The following ZNF804A variants were observed in gnomAD, a reference collection of about 807,000 sequenced individuals.
ZNF804A encodes the protein zinc finger protein 804A.
Under a neutral mutation model 16.5 loss-of-function variants are expected in ZNF804A, and 2 were observed. The observed-to-expected ratio is 0.12, with a 90% CI of 0.05 to 0.38. ZNF804A has a LOEUF of 0.38. Ranked by LOEUF, ZNF804A falls within the 10% of genes least tolerant of loss-of-function variation. ZNF804A has a pLI of 0.99. For missense variants in ZNF804A, 1,473 were observed against 1,390.7 expected (o/e 1.06, Z -0.94); for synonymous variants, 534 against 489.6 (o/e 1.09, Z -1.20).
chr2:184,788,725 G>A (rs1694487659), intron 1 of ZNF804A, among the ~76,000 whole-genome samples: 1 of 152,020 alleles, frequency 6.6e-6, no homozygotes, highest in Non-Finnish European at 1.5e-5. Flanking sequence ...AGGTGTAGGA[G>A]TCTTTAGAGT....
chr2:184,928,316 G>C (rs1010982460), intron 2 of ZNF804A, among the ~76,000 whole-genome samples: 10 of 152,018 alleles, frequency 6.6e-5, no homozygotes, highest in Non-Finnish European at 1.5e-4. Context: ...AATTCTGACT[G>C]GTACTCTTTC....
intron 2 of ZNF804A, among the ~76,000 whole-genome samples, chr2:184,930,900 A>G (rs1037976927): frequency 1.3e-5 from 2 of 152,224 alleles, no homozygotes; most frequent in Admixed American, 6.5e-5. Context: ...ATAAAGACAT[A>G]CCAGAAACTG....
intron 1 of ZNF804A, among the ~76,000 whole-genome samples, chr2:184,673,427 G>A (rs72899952): frequency 0.052 from 7,874 of 152,110 alleles, 253 homozygotes; most frequent in Non-Finnish European, 0.077. Flanking sequence ...TTATCCAATT[G>A]CCAAGAAAGC....
intron 1 of ZNF804A, among the ~76,000 whole-genome samples, chr2:184,673,520 T>C (rs1692371439): frequency 6.6e-6 from 1 of 152,094 alleles, no homozygotes; most frequent in Non-Finnish European, 1.5e-5. Flanking sequence ...CCAAGGCCTG[T>C]GAGATTTGAC....
At chr2:184,846,575 T>C (rs1398129566) in intron 1 of ZNF804A, among the ~76,000 whole-genome samples, 1 of 152,092 alleles carries the variant, frequency 6.6e-6, no homozygotes, top group East Asian at 1.9e-4. Flanking sequence ...AAACCTGATG[T>C]ACATGTTCTT....
intron 1 of ZNF804A, among the ~76,000 whole-genome samples, chr2:184,748,753 A>G (rs1305667467): frequency 6.6e-6 from 1 of 151,464 alleles, no homozygotes; most frequent in Non-Finnish European, 1.5e-5. Flanking sequence ...AATTTGAGTT[A>G]ATTTTTTTAT....
intron 1 of ZNF804A, among the ~76,000 whole-genome samples, chr2:184,643,846 T>C (rs916237682): frequency 6.6e-6 from 1 of 151,588 alleles, no homozygotes; most frequent in Non-Finnish European, 1.5e-5. Context: ...AAAAAGGCAT[T>C]GGAAAACCGA....
chr2:184,704,005 G>T (rs911665783), intron 1 of ZNF804A, among the ~76,000 whole-genome samples: 7 of 152,000 alleles, frequency 4.6e-5, no homozygotes, highest in Admixed American at 2.6e-4. Flanking sequence ...GATGCGAAAA[G>T]TTCTCTAAGG....
intron 1 of ZNF804A, among the ~76,000 whole-genome samples, chr2:184,694,472 C>G (rs1173730276): frequency 6.6e-6 from 1 of 151,994 alleles, no homozygotes; most frequent in African/African-American, 2.4e-5. Flanking sequence ...ATATAACATA[C>G]AGATAGATAC....
In ZNF804A at chr2:184,938,359, C is replaced by A. The variant is rs1188177359; in HGVS notation, c.2963C>A (p.Pro988Gln). The change falls in exon 4 of 4, where the codon CCA becomes CAA. Residue 988 changes from proline (P) to glutamine (Q), a missense_variant. Pro to Gln is a moderately conservative substitution (Grantham distance 76, BLOSUM62 -1). Coordinates refer to ENST00000302277, the MANE Select transcript of ZNF804A (RefSeq NM_194250.2). Reference sequence around the variant, plus strand: ...CCACAAGGAAAGATGAATGAGACACCAACTGAGTGGCTGCGTTATAATTCA... The same window carrying A: ...CCACAAGGAAAGATGAATGAGACACAAACTGAGTGGCTGCGTTATAATTCA... Reference protein sequence around the residue: ...ALPQGKMNETPTEWLRYNSGI... With the variant: ...ALPQGKMNETQTEWLRYNSGI... 3.1e-6 allele frequency: 5 copies of A among 1,613,888 alleles called. No homozygotes were observed. The highest frequency in any genetic ancestry group is 4.2e-6 in the Non-Finnish European group (5 of 1,180,004).
chr2:184,669,765 C>CA (rs1692313810), intron 1 of ZNF804A, among the ~76,000 whole-genome samples: 1 of 48,940 alleles, frequency 2.0e-5, no homozygotes, highest in Non-Finnish European at 5.9e-5. Context: ...CACACACACG[C>CA]ACACACACAC....
At chr2:184,688,145 C>T (rs1369029844) in intron 1 of ZNF804A, among the ~76,000 whole-genome samples, 1 of 151,848 alleles carries the variant, frequency 6.6e-6, no homozygotes, top group African/African-American at 2.4e-5. Flanking sequence ...CAAAACAGAA[C>T]AATTTTATAA....
chr2:184,638,614 T>A (rs1214336715), intron 1 of ZNF804A, among the ~76,000 whole-genome samples: 1 of 152,236 alleles, frequency 6.6e-6, no homozygotes, highest in Non-Finnish European at 1.5e-5. Flanking sequence ...TTGGCTGCAA[T>A]GTATAACTTA....
intron 1 of ZNF804A, among the ~76,000 whole-genome samples, chr2:184,642,006 T>A (rs1379598723): frequency 6.6e-6 from 1 of 152,142 alleles, no homozygotes; most frequent in Non-Finnish European, 1.5e-5. Context: ...ACTTTTAATG[T>A]CTGTCTTCTC....
chr2:184,934,041 A>G (rs1685746123), intron 3 of ZNF804A, among the ~76,000 whole-genome samples: 1 of 152,160 alleles, frequency 6.6e-6, no homozygotes, highest in South Asian at 2.1e-4. Flanking sequence ...CAAACATTTG[A>G]TTGAGGAAGA....
intron 1 of ZNF804A, among the ~76,000 whole-genome samples, chr2:184,758,231 A>T (rs933542796): frequency 6.6e-6 from 1 of 152,012 alleles, no homozygotes; most frequent in Non-Finnish European, 1.5e-5. Context: ...GTTTTATGAC[A>T]TGAGGAATGA....
At chr2:184,840,270 A>G (rs557599289) in intron 1 of ZNF804A, among the ~76,000 whole-genome samples, 60 of 152,228 alleles carry the variant, frequency 3.9e-4, no homozygotes, top group African/African-American at 1.4e-3. Flanking sequence ...CCCACCTGTA[A>G]TTTCAGCTAC....
chr2:184,939,269 AATG>A lies in ZNF804A; in HGVS notation c.*247_*249del, dbSNP rs1685855908. 2 of 416,542 alleles carry A rather than the reference AATG, an allele frequency of 4.8e-6. No individual in the cohort carries two copies. The highest frequency in any genetic ancestry group is 9.5e-5 in the South Asian group (2 of 21,108). The allele number at this position is 416,542 out of a possible 1,614,324, so 25.8% of individuals were successfully genotyped here. A position where few individuals can be genotyped will look rare whatever the true frequency, so the allele number is the denominator to read the frequency against. On this transcript the variant is annotated 3_prime_UTR_variant, in exon 4 of 4. Transcript: ENST00000302277. The stretch of plus-strand genomic sequence containing the variant: ...CAATACAATATATGCTATATATTAA[AATG>A]ATGTCTTAAGAGTATGTATAATGTA...
Position 184,938,437 on chromosome 2 carries a change from G to A in ZNF804A, c.3041G>A (p.Gly1014Asp), listed in dbSNP as rs1318862821. Residue 1014 changes from glycine (G) to aspartate (D), a missense_variant, in exon 4 of 4, where the codon GGT (glycine) becomes GAT (aspartate). By Grantham distance (94) the Gly-to-Asp change is moderately conservative (BLOSUM62 -1). Transcript: ENST00000302277. ...PLPFKEAHVSGHTFVTAEQIL... is the reference protein window; with the variant it reads ...PLPFKEAHVSDHTFVTAEQIL... The stretch of plus-strand genomic sequence containing the variant: ...CCATTCAAAGAAGCACATGTCAGTG[G>A]TCATACTTTTGTAACAGCTGAGCAA... 1.9e-6 allele frequency: 3 copies of A among 1,613,866 alleles called. No individual in the cohort carries two copies. Among genetic ancestry groups the A allele is most frequent in the Non-Finnish European group, 2.5e-6 (3 of 1,180,012 alleles).
Sources: allele counts gnomAD v4.1 joint callset (sites outside exome capture counted in the v4.1 genomes callset), GRCh38; gene constraint gnomAD v4.1.1; transcripts MANE v1.5; gene names NCBI Gene and HGNC (gene_info 2026-07-23, HGNC 2026-07-21).